STX8: variants seen among roughly 807,000 people sequenced by gnomAD.
STX8 encodes the protein syntaxin-8.
Under a neutral mutation model 37.5 loss-of-function variants are expected in STX8, and 23 were observed. The observed-to-expected ratio is 0.61, with a 90% CI of 0.44 to 0.87. The LOEUF (loss-of-function observed/expected upper bound fraction) is 0.87. STX8 is among the 40% of genes least tolerant of loss of function. STX8 has a pLI of 0.00. For synonymous variants in STX8, 115 were observed against 99.1 expected (o/e 1.16, Z -0.95); for missense variants, 313 against 284.7 (o/e 1.10, Z -0.71).
rs1360756566 is a variant in STX8 at position 9,303,332 on chromosome 17, TC to T, written c.644-52688del. Among the ~76,000 whole-genome samples the T allele has an allele frequency of 3.9e-5, 6 of 152,224 alleles. No individual in the cohort carries two copies. In the East Asian group the frequency reaches 1.2e-3, roughly 29 times the overall value. On this transcript the variant is annotated intron_variant, in intron 7 of 7. Coordinates refer to ENST00000306357, the MANE Select transcript of STX8 (RefSeq NM_004853.3). ...ACCCTAGGAAGAAGAGACTTCTCCC[TC>T]CAACCTAGACTGCTCACTCCAGAGC... is the stretch of plus-strand genomic sequence containing the variant.
Position 9,258,268 on chromosome 17 carries a change from A to G in STX8, c.644-7623T>C, listed in dbSNP as rs1479191063. Among the ~76,000 whole-genome samples, 3 of 152,256 alleles carry G rather than the reference A, an allele frequency of 2.0e-5. No individual in the cohort carries two copies. In the East Asian group the frequency reaches 5.8e-4, roughly 29 times the overall value. On this transcript the variant is annotated intron_variant, in intron 7 of 7. Transcript: ENST00000306357. Reference sequence around the variant, plus strand: ...TGAGGTGGGGAATAAGCAGGAGAAGAGACAAAACTGGAATATTTATCTTCA... The same window carrying G: ...TGAGGTGGGGAATAAGCAGGAGAAGGGACAAAACTGGAATATTTATCTTCA...
At chr17:9,504,810 T>G (rs1329275084) in intron 5 of STX8, among the ~76,000 whole-genome samples, 1 of 151,016 alleles carries the variant, frequency 6.6e-6, no homozygotes, top group Non-Finnish European at 1.5e-5. Flanking sequence ...CTGTCTGTAC[T>G]AAAAATACAA....
chr17:9,512,700 C>T (rs1905053860), intron 4 of STX8, among the ~76,000 whole-genome samples: 1 of 152,138 alleles, frequency 6.6e-6, no homozygotes, highest in South Asian at 2.1e-4. Flanking sequence ...ACCTCAGCCT[C>T]CCAAAATGCT....
intron 7 of STX8, among the ~76,000 whole-genome samples, chr17:9,316,697 C>T (rs550895945): frequency 2.4e-4 from 37 of 152,244 alleles, no homozygotes; most frequent in East Asian, 1.9e-4. Flanking sequence ...CTTGGAGTTC[C>T]GTGACCCATT....
chr17:9,301,098 C>G (rs1220515060), intron 7 of STX8, among the ~76,000 whole-genome samples: 1 of 152,050 alleles, frequency 6.6e-6, no homozygotes, highest in East Asian at 1.9e-4. Context: ...TCCCAAAGTG[C>G]TAGGATTACA....
At chr17:9,402,997 G>A (rs972047660) in intron 6 of STX8, among the ~76,000 whole-genome samples, 4 of 152,136 alleles carry the variant, frequency 2.6e-5, no homozygotes, top group Non-Finnish European at 5.9e-5. Flanking sequence ...CCTCGCCACA[G>A]CCCTCCTGAC....
intron 4 of STX8, among the ~76,000 whole-genome samples, chr17:9,537,942 A>C (rs1420244068): frequency 6.6e-6 from 1 of 152,190 alleles, no homozygotes; most frequent in African/African-American, 2.4e-5. Context: ...ACATGGCTCA[A>C]CTGCAAAAAG....
At chr17:9,575,615 T>G (rs1907877755) in intron 1 of STX8, among the ~76,000 whole-genome samples, 177 bp downstream of exon 1, 1 of 152,180 alleles carries the variant, frequency 6.6e-6, no homozygotes. Flanking sequence ...GGGCCACCCT[T>G]GCAAGGACCA....
In STX8 at chr17:9,341,999, C is replaced by A. The variant is rs575186926; in HGVS notation, c.643+36553G>T. Among the ~76,000 whole-genome samples, 3 of 152,274 alleles carry A rather than the reference C, an allele frequency of 2.0e-5. No homozygotes were observed. The South Asian group carries it at 6.2e-4, about 32-fold the overall frequency. ...TGCACTCTAGGGCAGCCATCCCCAACCTTTTTGGCACCAGGGACCAGGTTC... is the reference window on the plus strand; with the variant it reads ...TGCACTCTAGGGCAGCCATCCCCAAACTTTTTGGCACCAGGGACCAGGTTC... On this transcript the variant is annotated intron_variant, in intron 7 of 7. Transcript: ENST00000306357.
At chr17:9,431,027 G>C (rs1249181235) in intron 6 of STX8, among the ~76,000 whole-genome samples, 2 of 123,238 alleles carry the variant, frequency 1.6e-5, no homozygotes, top group African/African-American at 6.7e-5. Context: ...TTGTTGTTTT[G>C]GTTTTTTTTT....
chr17:9,441,301 C>T (rs893532651), intron 6 of STX8, among the ~76,000 whole-genome samples: 5 of 151,826 alleles, frequency 3.3e-5, no homozygotes, highest in East Asian at 2.0e-4. Flanking sequence ...ACCATCCTGG[C>T]CAACATGATG....
rs1024744484 is a variant in STX8 at position 9,440,825 on chromosome 17, T to A, written c.541+51004A>T. Among the ~76,000 whole-genome samples the A allele has an allele frequency of 3.3e-5, 5 of 151,142 alleles. 1 individual carries two copies. The East Asian group carries it at 9.7e-4, about 29-fold the overall frequency. On this transcript the variant is annotated intron_variant, in intron 6 of 7. Transcript: ENST00000306357. ...CAGGCGTGAGCCACCGCATCCAGCC[T>A]GATTTTTTTTTAAACCACAGTTACT...
intron 4 of STX8, among the ~76,000 whole-genome samples, chr17:9,543,292 G>GTACTTTT (rs371620984): frequency 0.031 from 1,065 of 33,920 alleles, 14 homozygotes; most frequent in African/African-American, 0.16. Flanking sequence ...CTAGAAGACA[G>GTACTTTT]TTTTTTGGTT....
At chr17:9,455,907 G>A (rs1469379666) in intron 6 of STX8, among the ~76,000 whole-genome samples, 1 of 152,098 alleles carries the variant, frequency 6.6e-6, no homozygotes, top group Non-Finnish European at 1.5e-5. Flanking sequence ...GTCTAATTAG[G>A]ATTCTGACCA....
At chr17:9,356,960 GTTTTTTTTTTTTT>G (rs140965935) in intron 7 of STX8, among the ~76,000 whole-genome samples, 2 of 61,748 alleles carry the variant, frequency 3.2e-5, no homozygotes, top group Admixed American at 4.9e-4. Context: ...CCTTTTAACA[GTTTTTTTTTTTTT>G]TTTTTTTTTT....
chr17:9,388,607 C>T (rs1438697842), intron 6 of STX8, among the ~76,000 whole-genome samples: 3 of 151,156 alleles, frequency 2.0e-5, no homozygotes, highest in Non-Finnish European at 3.0e-5. Context: ...AGTTCAAAAC[C>T]AGCCTGACCA....
chr17:9,372,299 C>A (rs1945708662), intron 7 of STX8, among the ~76,000 whole-genome samples: 1 of 151,924 alleles, frequency 6.6e-6, no homozygotes, highest in South Asian at 2.1e-4. Flanking sequence ...AGTTCTGGTT[C>A]ACTTTTACTC....
intron 7 of STX8, among the ~76,000 whole-genome samples, chr17:9,263,548 TCA>T (rs1435334567): frequency 6.6e-6 from 1 of 152,240 alleles, no homozygotes; most frequent in African/African-American, 2.4e-5. Flanking sequence ...TAAATGTCTT[TCA>T]CAGAGACCTA....
At chr17:9,464,090 T>C (rs7214423) in intron 6 of STX8, among the ~76,000 whole-genome samples, 28,591 of 152,012 alleles carry the variant, frequency 0.19, 4,438 homozygotes, top group East Asian at 0.71. Context: ...AAAACAAAAA[T>C]AAAAGTCAAA....
Sources: gnomAD v4.1 joint callset for allele counts (sites outside exome capture counted in the v4.1 genomes callset) on GRCh38, gnomAD v4.1.1 for gene constraint, MANE v1.5 for transcripts, NCBI Gene and HGNC (gene_info 2026-07-23, HGNC 2026-07-21) for gene names.